Variants in PTPRT observed in about 807,000 individuals in gnomAD.
PTPRT encodes the protein receptor-type tyrosine-protein phosphatase T.
Under a neutral mutation model 176.8 loss-of-function variants are expected in PTPRT, and 56 were observed. The ratio of observed to expected loss-of-function variants is 0.32; its 90% CI spans 0.26 to 0.40. The LOEUF is 0.40. PTPRT is among the 10% of genes least tolerant of loss of function. The pLI is 1.00. For missense variants in PTPRT, 1,540 were observed against 1,908.2 expected, an observed-to-expected ratio of 0.81 and a Z score of 3.60; for synonymous variants, 783 against 739.0, an observed-to-expected ratio of 1.06 and a Z score of -0.96.
At chr20:42,460,873 T>G (rs1399187864) in intron 8 of PTPRT, among the ~76,000 whole-genome samples, 3 of 152,214 alleles carry the variant, frequency 2.0e-5, no homozygotes, top group Non-Finnish European at 4.4e-5. Context: ...CAGTTCTTTA[T>G]AGCAGTATGA....
chr20:42,151,210 G>A (rs6030006), intron 17 of PTPRT, among the ~76,000 whole-genome samples: 5,032 of 150,940 alleles, frequency 0.033, 281 homozygotes, highest in African/African-American at 0.12. Flanking sequence ...AGCTATACAT[G>A]TGCCATGGTG....
At chr20:42,561,012 G>A (rs917020638) in intron 7 of PTPRT, among the ~76,000 whole-genome samples, 1 of 152,172 alleles carries the variant, frequency 6.6e-6, no homozygotes, top group Non-Finnish European at 1.5e-5. Context: ...GGTCTAGGAG[G>A]CCTCTGAATT....
At chr20:42,545,146 C>T (rs1296815617) in intron 7 of PTPRT, among the ~76,000 whole-genome samples, 1 of 152,208 alleles carries the variant, frequency 6.6e-6, no homozygotes, top group East Asian at 1.9e-4. Flanking sequence ...GATCCTCAGA[C>T]CAGGCCCCGT....
intron 25 of PTPRT, among the ~76,000 whole-genome samples, chr20:42,103,496 C>T (rs551199094): frequency 6.6e-6 from 1 of 152,268 alleles, no homozygotes; most frequent in East Asian, 1.9e-4. Flanking sequence ...GATGGAGTCT[C>T]ACTCTGTTGC....
At chr20:43,164,036 AC>A (rs1413328407) in intron 1 of PTPRT, among the ~76,000 whole-genome samples, 1 of 152,140 alleles carries the variant, frequency 6.6e-6, no homozygotes, top group Admixed American at 6.5e-5. Context: ...TCATTTTCTT[AC>A]CCCCTGAGTG....
intron 9 of PTPRT, among the ~76,000 whole-genome samples, chr20:42,377,233 C>A (rs1310314923): frequency 6.6e-6 from 1 of 152,122 alleles, no homozygotes; most frequent in Non-Finnish European, 1.5e-5. Context: ...GAGAGAAAAG[C>A]AAGGGAGATC....
chr20:42,982,661 A>T (rs1029342829), intron 1 of PTPRT, among the ~76,000 whole-genome samples: 6 of 152,180 alleles, frequency 3.9e-5, no homozygotes, highest in African/African-American at 1.4e-4. Flanking sequence ...GAGGCCATGG[A>T]GGTGAGCAGG....
intron 1 of PTPRT, among the ~76,000 whole-genome samples, chr20:43,117,077 A>T (rs2013087883): frequency 6.6e-6 from 1 of 152,108 alleles, no homozygotes; most frequent in African/African-American, 2.4e-5. Flanking sequence ...TGTGTTTCTC[A>T]TGGCAATGAC....
At chr20:42,498,855 G>C (rs1359077990) in intron 7 of PTPRT, among the ~76,000 whole-genome samples, 1 of 152,068 alleles carries the variant, frequency 6.6e-6, no homozygotes, top group African/African-American at 2.4e-5. Context: ...ACCCGGCTTT[G>C]AGATGTCCCA....
intron 2 of PTPRT, among the ~76,000 whole-genome samples, chr20:42,874,675 G>A (rs1600503704): frequency 1.3e-5 from 2 of 152,192 alleles, no homozygotes; most frequent in South Asian, 4.1e-4. Context: ...TCACTTTTGA[G>A]AGAGTTGACA....
In PTPRT at chr20:42,354,969, A is replaced by T. The variant is rs1568804529; in HGVS notation, c.1561-2684T>A. On this transcript the variant is annotated intron_variant, in intron 9 of 30. Coordinates refer to ENST00000373187, the MANE Select transcript of PTPRT (RefSeq NM_007050.6). ...CAGCACCTGAGTGTGCATGTGCACCATGCAGGTGGCTGCTAGCTTCAGGCT... is the reference window on the plus strand; with the variant it reads ...CAGCACCTGAGTGTGCATGTGCACCTTGCAGGTGGCTGCTAGCTTCAGGCT... Among the ~76,000 whole-genome samples, 3 of 151,782 alleles carry T rather than the reference A, an allele frequency of 2.0e-5. No individual in the cohort carries two copies. The South Asian group carries it at 6.2e-4, about 32-fold the overall frequency.
intron 23 of PTPRT, among the ~76,000 whole-genome samples, chr20:42,107,729 A>C (rs947109709): frequency 2.0e-5 from 3 of 152,200 alleles, no homozygotes; most frequent in Non-Finnish European, 4.4e-5. Flanking sequence ...CTGCGTTTTC[A>C]CATCTTGCCT....
intron 2 of PTPRT, among the ~76,000 whole-genome samples, chr20:42,879,189 G>A (rs538991001): frequency 6.6e-6 from 1 of 152,306 alleles, no homozygotes; most frequent in South Asian, 2.1e-4. Context: ...ATTACCATGA[G>A]CTGGGTGGCT....
chr20:42,384,643 C>A (rs371588508), intron 9 of PTPRT, among the ~76,000 whole-genome samples: 3 of 152,160 alleles, frequency 2.0e-5, no homozygotes, highest in East Asian at 1.9e-4. Context: ...ATTGCTGGGT[C>A]ACATGGTAAT....
chr20:42,986,734 G>A (rs1983600648), intron 1 of PTPRT, among the ~76,000 whole-genome samples: 1 of 152,176 alleles, frequency 6.6e-6, no homozygotes, highest in African/African-American at 2.4e-5. Flanking sequence ...ACTCCTACAA[G>A]GTAGATAGTA....
At chr20:42,454,735 C>G (rs987327573) in intron 8 of PTPRT, among the ~76,000 whole-genome samples, 2 of 152,026 alleles carry the variant, frequency 1.3e-5, no homozygotes, top group Admixed American at 6.6e-5. Context: ...GAATATGGAT[C>G]AGTTCTTAAT....
chr20:42,303,302 C>T (rs2145319019), intron 12 of PTPRT, among the ~76,000 whole-genome samples: 1 of 152,324 alleles, frequency 6.6e-6, no homozygotes, highest in African/African-American at 2.4e-5. Context: ...TAGTACAGCT[C>T]CTCACTATTT....
intron 11 of PTPRT, among the ~76,000 whole-genome samples, chr20:42,339,466 CA>C (rs2058083296): frequency 6.6e-6 from 1 of 152,140 alleles, no homozygotes. Context: ...GTAAACTCAA[CA>C]GGGGCAACTT....
intron 12 of PTPRT, among the ~76,000 whole-genome samples, chr20:42,300,814 T>C (rs181726821): frequency 2.0e-5 from 3 of 151,074 alleles, no homozygotes; most frequent in Admixed American, 6.6e-5. Flanking sequence ...TTAGGGTACA[T>C]GGATGAAATT....
Sources: gnomAD v4.1 joint callset for allele counts (sites outside exome capture counted in the v4.1 genomes callset) on GRCh38, gnomAD v4.1.1 for gene constraint, MANE v1.5 for transcripts, NCBI Gene and HGNC (gene_info 2026-07-23, HGNC 2026-07-21) for gene names.